The following TLE1 variants were observed in gnomAD, a reference collection of about 807,000 sequenced individuals.
TLE1 encodes the protein TLE family member 1, transcriptional corepressor, also known as transducin-like enhancer protein 1.
In TLE1, 21 loss-of-function variants were observed where a neutral mutation model predicts 89.8. The observed-to-expected ratio is 0.23, with a 90% confidence interval of 0.17 to 0.34. TLE1 has a LOEUF of 0.34. Ranked by LOEUF, TLE1 falls within the 10% of genes least tolerant of loss-of-function variation. TLE1 has a pLI of 1.00. For missense variants in TLE1, 795 were observed against 1,031.2 expected, an observed-to-expected ratio of 0.77 and a Z score of 3.14; for synonymous variants, 447 against 407.6, an observed-to-expected ratio of 1.10 and a Z score of -1.16.
intron 6 of TLE1, among the ~76,000 whole-genome samples, chr9:81,644,663 T>G (rs940914033): frequency 6.6e-6 from 1 of 152,166 alleles, no homozygotes; most frequent in Admixed American, 6.5e-5. Flanking sequence ...TACAGCAATG[T>G]GAATACGCTA....
intron 14 of TLE1, among the ~76,000 whole-genome samples, chr9:81,594,783 C>T (rs1403110893): frequency 6.6e-6 from 1 of 152,118 alleles, no homozygotes; most frequent in African/African-American, 2.4e-5. Context: ...CATTTTAATA[C>T]AAACTCAAAT....
At chr9:81,617,644 G>C (rs1019607176) in intron 9 of TLE1, among the ~76,000 whole-genome samples, 1 of 152,232 alleles carries the variant, frequency 6.6e-6, no homozygotes, top group Non-Finnish European at 1.5e-5. Flanking sequence ...GCAGGTTGCA[G>C]TGAGCTGAGA....
At chr9:81,675,182 G>C (rs960370913) in intron 4 of TLE1, among the ~76,000 whole-genome samples, 7 of 152,108 alleles carry the variant, frequency 4.6e-5, no homozygotes, top group Non-Finnish European at 1.0e-4. Context: ...ATGACAGATA[G>C]ATATTACAAA....
At chr9:81,631,391 C>T (rs527787181) in intron 8 of TLE1, among the ~76,000 whole-genome samples, 88 of 152,360 alleles carry the variant, frequency 5.8e-4, no homozygotes, top group African/African-American at 2.1e-3. Context: ...TGCCTATTCA[C>T]ACCCCTGGCA....
intron 17 of TLE1, among the ~76,000 whole-genome samples, chr9:81,586,349 G>C (rs968441995): frequency 6.6e-6 from 1 of 152,168 alleles, no homozygotes; most frequent in Non-Finnish European, 1.5e-5. Flanking sequence ...GAACTTCAGA[G>C]AGTGCACTTA....
intron 6 of TLE1, among the ~76,000 whole-genome samples, chr9:81,634,918 G>A (rs1488025465): frequency 1.3e-5 from 2 of 152,158 alleles, no homozygotes; most frequent in African/African-American, 4.8e-5. Flanking sequence ...GGAAGACCCA[G>A]TAATCTGGGT....
chr9:81,653,941 A>C, intron 5 of TLE1, 33 bp downstream of exon 5: 2 of 1,601,190 alleles, frequency 1.2e-6, no homozygotes, highest in African/African-American at 2.7e-5. Context: ...AAGCAACATA[A>C]TTGCACTTTA....
Position 81,633,358 on chromosome 9 carries a change from T to C in TLE1, c.584A>G (p.Glu195Gly), listed in dbSNP as rs773327669. The C allele has an allele frequency of 3.7e-6, 6 of 1,613,258 alleles. No homozygotes were observed. In the East Asian group the frequency reaches 1.1e-4, roughly 30 times the overall value. Reference sequence around the variant, plus strand: ...CGTTTGAGTACTTACTGTGCCCGGCTCTCTGTCTGCTCCCGAGGTTACCAA... The same window carrying C: ...CGTTTGAGTACTTACTGTGCCCGGCCCTCTGTCTGCTCCCGAGGTTACCAA... ...HHDAEHHRDR[E>G]PGTSNSLLVP... The change falls in exon 8 of 20, where the codon GAG becomes GGG. Residue 195 changes from glutamate to glycine, a missense_variant. By Grantham distance (98) the Glu-to-Gly change is moderately conservative. Coordinates refer to ENST00000376499, the MANE Select transcript of TLE1 (RefSeq NM_005077.5).
At position 81,676,240 on chromosome 9, in the gene TLE1, T is replaced by C. The variant is rs1351682167; in HGVS notation, c.234+9436A>G. On this transcript the variant is annotated intron_variant, in intron 4 of 19. Transcript: ENST00000376499. ...AGTACCCAAAACACAATATAATCAA[T>C]GCCTACTCTGGATAACTCATCGGGA... Among the ~76,000 whole-genome samples the C allele has an allele frequency of 2.6e-5, 4 of 152,132 alleles. No homozygotes were observed. In the East Asian group the frequency reaches 7.7e-4, roughly 29 times the overall value.
At chr9:81,673,965 C>A (rs1424472809) in intron 4 of TLE1, among the ~76,000 whole-genome samples, 2 of 152,146 alleles carry the variant, frequency 1.3e-5, no homozygotes, top group Admixed American at 1.3e-4. Flanking sequence ...CAGACCAAGA[C>A]GCAGATCAAT....
chr9:81,613,248 G>T (rs147551154), intron 12 of TLE1, 129 bp downstream of exon 12: 12 of 1,302,644 alleles, frequency 9.2e-6, no homozygotes, highest in Middle Eastern at 1.9e-4. Flanking sequence ...CTTTTTCAGA[G>T]ATAGGAAGGA....
intron 6 of TLE1, among the ~76,000 whole-genome samples, chr9:81,646,604 C>T (rs1828894119): frequency 6.6e-6 from 1 of 152,206 alleles, no homozygotes; most frequent in South Asian, 2.1e-4. Context: ...TCACACACTA[C>T]AATCCCATAG....
chr9:81,587,376 C>T (rs1455044287), intron 17 of TLE1, among the ~76,000 whole-genome samples: 1 of 152,166 alleles, frequency 6.6e-6, no homozygotes, highest in Non-Finnish European at 1.5e-5. Context: ...AGATCAAACA[C>T]TGCTGAAGGA....
At chr9:81,626,546 C>T (rs1239287232) in intron 8 of TLE1, among the ~76,000 whole-genome samples, 1 of 152,214 alleles carries the variant, frequency 6.6e-6, no homozygotes, top group African/African-American at 2.4e-5. Flanking sequence ...TGTCCACTGG[C>T]AACCATATCA....
At chr9:81,642,067 G>A (rs1828197869) in intron 6 of TLE1, among the ~76,000 whole-genome samples, 2 of 136,756 alleles carry the variant, frequency 1.5e-5, no homozygotes, top group Admixed American at 7.8e-5. Flanking sequence ...CAAACCTGCT[G>A]AAATGGTGGG....
chr9:81,619,805 A>G (rs1480895872), intron 9 of TLE1, among the ~76,000 whole-genome samples: 1 of 152,172 alleles, frequency 6.6e-6, no homozygotes, highest in Non-Finnish European at 1.5e-5. Context: ...TGGATCTGTG[A>G]CAAGAGCCCT....
intron 9 of TLE1, among the ~76,000 whole-genome samples, chr9:81,617,015 C>T (rs1266210587): frequency 6.6e-6 from 1 of 151,802 alleles, no homozygotes; most frequent in Non-Finnish European, 1.5e-5. Flanking sequence ...TAAATGGTTG[C>T]AACAGCTGAA....
Position 81,654,028 on chromosome 9 carries a change from G to A in TLE1, c.243C>T (p.Ile81=), listed in dbSNP as rs773044077. The change falls in exon 5 of 20, where the codon ATC becomes ATT. Residue 81 remains isoleucine, a synonymous_variant. Coordinates refer to ENST00000376499, the MANE Select transcript of TLE1 (RefSeq NM_005077.5). ...LNIEMHKQTE[I]AKRLNTICAQ... is the part of the protein sequence containing the mutation. ...CACAAATCGTATTCAATCTCTTGGC[G>A]ATTTCAGTCTATAAAGACAAAGCCA... 24 of 1,613,796 alleles carry A rather than the reference G, an allele frequency of 1.5e-5. No homozygotes were observed. The South Asian group carries it at 2.2e-4, about 15-fold the overall frequency.
chr9:81,682,671 C>T (rs1165923946), intron 4 of TLE1, among the ~76,000 whole-genome samples: 1 of 152,140 alleles, frequency 6.6e-6, no homozygotes, highest in East Asian at 1.9e-4. Flanking sequence ...GCTAGGCAAA[C>T]CACCAGGCTC....
Sources: gnomAD v4.1 joint callset for allele counts (sites outside exome capture counted in the v4.1 genomes callset) on GRCh38, gnomAD v4.1.1 for gene constraint, MANE v1.5 for transcripts, NCBI Gene and HGNC (gene_info 2026-07-23, HGNC 2026-07-21) for gene names.